LMX1A: variants seen among roughly 807,000 people sequenced by gnomAD.
LMX1A encodes the protein LIM homeobox transcription factor 1 alpha, also known as LIM homeobox transcription factor 1-alpha.
LMX1A carries 15 observed loss-of-function variants against 49.1 expected under a neutral mutation model. The ratio of observed to expected loss-of-function variants is 0.31; its 90% CI spans 0.20 to 0.47. LMX1A has a LOEUF of 0.47. LMX1A is among the 20% of genes least tolerant of loss of function. The probability of loss-of-function intolerance (pLI) is 1.00; values close to 1 mark genes in which losing one functional copy is unlikely to be tolerated. For synonymous variants in LMX1A, 167 were observed against 185.7 expected (o/e 0.90, Z 0.82); for missense variants, 372 against 475.8 (o/e 0.78, Z 2.03).
At chr1:165,274,291 T>C (rs1033584705) in intron 3 of LMX1A, among the ~76,000 whole-genome samples, 10 of 152,214 alleles carry the variant, frequency 6.6e-5, no homozygotes, top group African/African-American at 2.4e-4. Flanking sequence ...ATTTTACACA[T>C]CTACCCTGGT....
intron 3 of LMX1A, among the ~76,000 whole-genome samples, chr1:165,272,343 T>A (rs6656615): frequency 0.017 from 2,592 of 152,302 alleles, 162 homozygotes; most frequent in East Asian, 0.15. Flanking sequence ...CTCCATTTCT[T>A]AAGAGCCCAC....
intron 4 of LMX1A, among the ~76,000 whole-genome samples, chr1:165,236,854 T>TG (rs1296518400): frequency 3.7e-5 from 2 of 54,258 alleles, no homozygotes; most frequent in African/African-American, 2.8e-4. Context: ...AGTTCAAAGT[T>TG]TTTTTTTTTT....
At chr1:165,297,205 C>T (rs1447737101) in intron 3 of LMX1A, among the ~76,000 whole-genome samples, 1 of 152,204 alleles carries the variant, frequency 6.6e-6, no homozygotes, top group African/African-American at 2.4e-5. Context: ...TTGTGTTCAC[C>T]CAGGTGCTGG....
chr1:165,332,871 C>T (rs1174508283), intron 3 of LMX1A, among the ~76,000 whole-genome samples: 1 of 152,186 alleles, frequency 6.6e-6, no homozygotes, highest in African/African-American at 2.4e-5. Flanking sequence ...AACCTTTCCA[C>T]ATAGCTTGGT....
At chr1:165,344,569 A>G (rs912761271) in intron 3 of LMX1A, among the ~76,000 whole-genome samples, 30 of 152,330 alleles carry the variant, frequency 2.0e-4, no homozygotes, top group African/African-American at 7.2e-4. Flanking sequence ...AAATAAAGGA[A>G]GAAATATTAG....
chr1:165,279,150 T>C (rs1447157146), intron 3 of LMX1A, among the ~76,000 whole-genome samples: 1 of 152,234 alleles, frequency 6.6e-6, no homozygotes, highest in Non-Finnish European at 1.5e-5. Context: ...ATTAGGAGCC[T>C]TTTCACTTTG....
intron 3 of LMX1A, among the ~76,000 whole-genome samples, chr1:165,289,700 A>G (rs1654405442): frequency 6.6e-6 from 1 of 152,222 alleles, no homozygotes; most frequent in South Asian, 2.1e-4. Context: ...TGGTTGGAGG[A>G]TTGGCTGCTC....
chr1:165,233,308 A>G (rs946792154), intron 4 of LMX1A, among the ~76,000 whole-genome samples: 3 of 152,172 alleles, frequency 2.0e-5, no homozygotes, highest in African/African-American at 7.2e-5. Context: ...TTTAAAAATT[A>G]GCCAGACATG....
intron 3 of LMX1A, among the ~76,000 whole-genome samples, chr1:165,264,614 G>A (rs914716961): frequency 1.3e-5 from 2 of 152,108 alleles, no homozygotes; most frequent in East Asian, 1.9e-4. Context: ...ATTTTGCTGC[G>A]GCAGTGCACT....
intron 3 of LMX1A, among the ~76,000 whole-genome samples, chr1:165,283,387 T>G (rs916925257): frequency 6.6e-6 from 1 of 152,188 alleles, no homozygotes; most frequent in Non-Finnish European, 1.5e-5. Flanking sequence ...TGAATCCCAG[T>G]CATTAAGTAA....
intron 3 of LMX1A, among the ~76,000 whole-genome samples, chr1:165,334,099 AT>A (rs1157524010): frequency 3.9e-5 from 6 of 152,226 alleles, no homozygotes; most frequent in African/African-American, 1.4e-4. Flanking sequence ...ATGGACTCAC[AT>A]AGACAGAGCT....
chr1:165,275,012 A>G (rs1242099177), intron 3 of LMX1A, among the ~76,000 whole-genome samples: 4 of 152,178 alleles, frequency 2.6e-5, no homozygotes, highest in Non-Finnish European at 5.9e-5. Flanking sequence ...GCATGATTTC[A>G]TTTTGCCAGA....
intron 4 of LMX1A, among the ~76,000 whole-genome samples, chr1:165,217,991 G>A (rs956645618): frequency 2.0e-5 from 3 of 150,654 alleles, no homozygotes; most frequent in Non-Finnish European, 4.5e-5. Context: ...GCCTTTGCAT[G>A]CCTCACAGTC....
At chr1:165,353,629 ATGCC>A (rs1246948571) in intron 2 of LMX1A, among the ~76,000 whole-genome samples, 1 of 152,218 alleles carries the variant, frequency 6.6e-6, no homozygotes, top group Non-Finnish European at 1.5e-5. Flanking sequence ...TTAAATCACT[ATGCC>A]TGTCTCTACT....
At chr1:165,272,431 C>T (rs116484582) in intron 3 of LMX1A, among the ~76,000 whole-genome samples, 7,047 of 152,274 alleles carry the variant, frequency 0.046, 244 homozygotes, top group Non-Finnish European at 0.072. Context: ...GTAAGGGTGG[C>T]AACCAAGTGG....
intron 3 of LMX1A, among the ~76,000 whole-genome samples, chr1:165,268,824 G>C (rs1208726821): frequency 6.6e-6 from 1 of 152,230 alleles, no homozygotes; most frequent in Non-Finnish European, 1.5e-5. Context: ...CAGATAGTCA[G>C]GCTTTAGCTG....
chr1:165,300,024 G>A (rs75103300), intron 3 of LMX1A, among the ~76,000 whole-genome samples: 2,336 of 152,248 alleles, frequency 0.015, 70 homozygotes, highest in African/African-American at 0.054. Flanking sequence ...TGAGATAAGA[G>A]CCATTGGATC....
chr1:165,323,222 T>C (rs1655473756), intron 3 of LMX1A, among the ~76,000 whole-genome samples: 1 of 152,158 alleles, frequency 6.6e-6, no homozygotes, highest in African/African-American at 2.4e-5. Flanking sequence ...TCTAGAGTAA[T>C]ATTACCTGCC....
chr1:165,246,419 A>G (rs903789605), intron 4 of LMX1A, among the ~76,000 whole-genome samples: 2 of 152,212 alleles, frequency 1.3e-5, no homozygotes, highest in African/African-American at 4.8e-5. Context: ...ATAGATTTTT[A>G]GAGTTGAAAG....
Sources: allele counts gnomAD v4.1 joint callset (sites outside exome capture counted in the v4.1 genomes callset), GRCh38; gene constraint gnomAD v4.1.1; transcripts MANE v1.5; gene names NCBI Gene and HGNC (gene_info 2026-07-23, HGNC 2026-07-21).